SLC60A2: variants seen among roughly 807,000 people sequenced by gnomAD.
SLC60A2 encodes major facilitator superfamily domain containing 4B.
chr6:111,261,756 G>A, the SLC60A2 span, among the ~76,000 whole-genome samples: 1 of 152,006 alleles, frequency 6.6e-6, no homozygotes, highest in East Asian at 1.9e-4. Context: ...ACCATGCCCA[G>A]CTAATTTTTG....
chr6:111,263,893 T>C, the SLC60A2 span: 1 of 1,612,390 alleles, frequency 6.2e-7, no homozygotes, highest in Non-Finnish European at 8.5e-7. Context: ...ACAGCAATAT[T>C]ACTCACTGTC....
chr6:111,261,522 A>T, the SLC60A2 span, among the ~76,000 whole-genome samples: 1 of 152,030 alleles, frequency 6.6e-6, no homozygotes, highest in Admixed American at 6.6e-5. Flanking sequence ...GAGCTCAAGC[A>T]GTCCTACCAT....
the SLC60A2 span, chr6:111,278,208 C>T: frequency 9.8e-4 from 149 of 152,282 alleles, no homozygotes; most frequent in African/African-American, 3.2e-3. Flanking sequence ...TCTGAGTTTG[C>T]ATTAGACTGT....
the SLC60A2 span, among the ~76,000 whole-genome samples, chr6:111,260,633 A>G: frequency 6.6e-6 from 1 of 152,026 alleles, no homozygotes; most frequent in Non-Finnish European, 1.5e-5. Context: ...GATAATTATG[A>G]TCCTGGGGGA....
At chr6:111,279,590 T>G in the SLC60A2 span, among the ~76,000 whole-genome samples, 1 of 152,126 alleles carries the variant, frequency 6.6e-6, no homozygotes, top group Non-Finnish European at 1.5e-5. Context: ...AGAGATCTCA[T>G]GTTTTCTATT....
chr6:111,277,448 G>C, the SLC60A2 span, among the ~76,000 whole-genome samples: 10 of 152,202 alleles, frequency 6.6e-5, no homozygotes, highest in African/African-American at 2.4e-4. Context: ...GTTCTCATCT[G>C]TGCGGACCAG....
At chr6:111,268,715 C>T in the SLC60A2 span, 4 of 152,070 alleles carry the variant, frequency 2.6e-5, no homozygotes, top group East Asian at 1.9e-4. Flanking sequence ...TCGTAGTTAC[C>T]GTAGGTCACG....
At chr6:111,264,571 G>A in the SLC60A2 span, among the ~76,000 whole-genome samples, 3 of 151,914 alleles carry the variant, frequency 2.0e-5, no homozygotes, top group Non-Finnish European at 2.9e-5. Flanking sequence ...GGTGGATCAC[G>A]AGGTCAGGAG....
At chr6:111,268,215 A>G in the SLC60A2 span, 9 of 152,250 alleles carry the variant, frequency 5.9e-5, no homozygotes, top group African/African-American at 1.9e-4. Context: ...AATTTAATGT[A>G]CTTAATGTTT....
At chr6:111,263,997 A>T in the SLC60A2 span, 1 of 944,536 alleles carries the variant, frequency 1.1e-6, no homozygotes, top group Non-Finnish European at 1.7e-6. Flanking sequence ...TGCTAGAAGA[A>T]GTACAGCAGA....
At chr6:111,264,246 C>G in the SLC60A2 span, among the ~76,000 whole-genome samples, 1 of 152,090 alleles carries the variant, frequency 6.6e-6, no homozygotes, top group African/African-American at 2.4e-5. Flanking sequence ...GGTGAATAGG[C>G]CTTCATCTTG....
chr6:111,267,372 T>C, the SLC60A2 span: 6 of 369,946 alleles, frequency 1.6e-5, no homozygotes, highest in Non-Finnish European at 2.4e-5. Context: ...TTAGGAAATA[T>C]TTTATGGTCT....
chr6:111,270,887 G>A, the SLC60A2 span: 1 of 151,622 alleles, frequency 6.6e-6, no homozygotes, highest in African/African-American at 2.4e-5. Context: ...GGGGAAAAAA[G>A]CTTCAGCGGT....
the SLC60A2 span, among the ~76,000 whole-genome samples, chr6:111,264,318 T>G: frequency 4.1e-4 from 63 of 152,300 alleles, no homozygotes; most frequent in African/African-American, 1.5e-3. Flanking sequence ...AAACCAAGTT[T>G]GGAACTGTTA....
the SLC60A2 span, among the ~76,000 whole-genome samples, chr6:111,279,759 G>T: frequency 1.3e-5 from 2 of 151,812 alleles, no homozygotes; most frequent in African/African-American, 4.8e-5. Flanking sequence ...GATCTTGCAG[G>T]TTTATTACAT....
chr6:111,278,902 C>T, the SLC60A2 span, among the ~76,000 whole-genome samples: 1 of 152,164 alleles, frequency 6.6e-6, no homozygotes, highest in African/African-American at 2.4e-5. Flanking sequence ...AAGGGAAAAA[C>T]GTGATTGCAA....
chr6:111,259,598 G>A, the SLC60A2 span: 23 of 1,323,482 alleles, frequency 1.7e-5, no homozygotes, highest in East Asian at 6.2e-4. Context: ...AGCGGCTCCT[G>A]CAGGCGGAGG....
chr6:111,278,068 T>G, the SLC60A2 span: 2 of 152,196 alleles, frequency 1.3e-5, no homozygotes, highest in African/African-American at 2.4e-5. Flanking sequence ...TTACCCTTGT[T>G]GAAGAAATAC....
chr6:111,261,777 A>G, the SLC60A2 span, among the ~76,000 whole-genome samples: 1 of 152,174 alleles, frequency 6.6e-6, no homozygotes, highest in African/African-American at 2.4e-5. Context: ...TATTTTTAGT[A>G]GAGATGGGGT....
Sources: gnomAD v4.1 joint callset for allele counts (sites outside exome capture counted in the v4.1 genomes callset) on GRCh38, gnomAD v4.1.1 for gene constraint, MANE v1.5 for transcripts, NCBI Gene and HGNC (gene_info 2026-07-23, HGNC 2026-07-21) for gene names.